Variants in GRM1 observed in about 807,000 individuals in gnomAD.
GRM1 encodes the protein metabotropic glutamate receptor 1.
Under a neutral mutation model 90.9 loss-of-function variants are expected in GRM1, and 33 were observed. The ratio of observed to expected loss-of-function variants is 0.36; its 90% CI spans 0.28 to 0.49. GRM1 has a LOEUF of 0.49. Among genes scored for constraint, GRM1 ranks in the 20% least tolerant of loss-of-function variants. The pLI, the probability that GRM1 is intolerant of heterozygous loss-of-function variation, is 0.99. For synonymous variants in GRM1, 700 were observed against 613.2 expected (o/e 1.14, Z -2.09); for missense variants, 1,190 against 1,534.3 (o/e 0.78, Z 3.75).
intron 1 of GRM1, among the ~76,000 whole-genome samples, chr6:146,051,835 A>G (rs190496122): frequency 6.6e-6 from 1 of 152,152 alleles, no homozygotes; most frequent in East Asian, 1.9e-4. Flanking sequence ...CCCTTATATA[A>G]TCTTCTTGGT....
At chr6:146,339,843 C>T (rs972456287) in intron 3 of GRM1, among the ~76,000 whole-genome samples, 1 of 152,156 alleles carries the variant, frequency 6.6e-6, no homozygotes, top group East Asian at 1.9e-4. Context: ...TCATAAGCTA[C>T]GTTGGGCTTC....
At chr6:146,430,183 G>A (rs1226143564) in intron 7 of GRM1, among the ~76,000 whole-genome samples, 2 of 152,182 alleles carry the variant, frequency 1.3e-5, no homozygotes, top group Admixed American at 6.5e-5. Context: ...ATTCTCTAAA[G>A]TGCCGTAAAT....
chr6:146,061,739 G>A (rs925617699), intron 1 of GRM1, among the ~76,000 whole-genome samples: 1 of 152,068 alleles, frequency 6.6e-6, no homozygotes, highest in Admixed American at 6.6e-5. Flanking sequence ...CTATGATGAT[G>A]AGTGATGAGA....
chr6:146,356,509 T>A (rs1228972666), intron 4 of GRM1, among the ~76,000 whole-genome samples: 3 of 152,160 alleles, frequency 2.0e-5, no homozygotes, highest in Non-Finnish European at 4.4e-5. Context: ...TGAAGGCCCT[T>A]CCTCCTAATA....
chr6:146,117,333 G>T (rs180962149), intron 1 of GRM1, among the ~76,000 whole-genome samples: 241 of 151,266 alleles, frequency 1.6e-3, no homozygotes, highest in South Asian at 5.1e-3. Flanking sequence ...TTAATATATG[G>T]CTATTACTCC....
chr6:146,424,649 T>C (rs1778131803), intron 7 of GRM1, among the ~76,000 whole-genome samples: 1 of 152,252 alleles, frequency 6.6e-6, no homozygotes, highest in African/African-American at 2.4e-5. Context: ...TGTGTTTGTC[T>C]GTCTGTCTGT....
chr6:146,272,156 TA>T (rs1782187764), intron 2 of GRM1, among the ~76,000 whole-genome samples: 1 of 152,212 alleles, frequency 6.6e-6, no homozygotes, highest in African/African-American at 2.4e-5. Context: ...CTATTTTCTG[TA>T]ATTAGAAAAG....
At chr6:146,144,356 T>C (rs556093747) in intron 1 of GRM1, among the ~76,000 whole-genome samples, 2 of 152,286 alleles carry the variant, frequency 1.3e-5, no homozygotes, top group Admixed American at 1.3e-4. Flanking sequence ...AACTTCAGCA[T>C]ATATATTTTG....
chr6:146,290,480 T>TA (rs954340872), intron 2 of GRM1, among the ~76,000 whole-genome samples: 1 of 152,088 alleles, frequency 6.6e-6, no homozygotes, highest in Non-Finnish European at 1.5e-5. Flanking sequence ...CTACCATTCA[T>TA]AAAAAAGGAA....
At chr6:146,237,583 T>C (rs2114721227) in intron 2 of GRM1, among the ~76,000 whole-genome samples, 2 of 147,564 alleles carry the variant, frequency 1.4e-5, no homozygotes, top group South Asian at 4.2e-4. Context: ...TTCTTTTTTA[T>C]CTCATACTTT....
intron 1 of GRM1, among the ~76,000 whole-genome samples, chr6:146,054,245 A>T (rs1435837744): frequency 6.6e-6 from 1 of 152,040 alleles, no homozygotes; most frequent in African/African-American, 2.4e-5. Context: ...CAGCTTTTTC[A>T]CTTAAACTGT....
chr6:146,055,373 A>C (rs1775448795), intron 1 of GRM1, among the ~76,000 whole-genome samples: 1 of 152,032 alleles, frequency 6.6e-6, no homozygotes, highest in Admixed American at 6.6e-5. Flanking sequence ...GAAATAACTA[A>C]CCACACCTTT....
chr6:146,356,920 A>T (rs923926950), intron 4 of GRM1, among the ~76,000 whole-genome samples: 3 of 152,128 alleles, frequency 2.0e-5, no homozygotes, highest in Non-Finnish European at 2.9e-5. Context: ...CGGCATTTCA[A>T]ATTACTGAAA....
chr6:146,134,402 G>A (rs766261795), intron 1 of GRM1, among the ~76,000 whole-genome samples: 7 of 152,140 alleles, frequency 4.6e-5, no homozygotes, highest in Admixed American at 2.0e-4. Flanking sequence ...GTATTAGTCC[G>A]TTCTCATGCT....
chr6:146,182,314 T>C (rs1778576142), intron 2 of GRM1, among the ~76,000 whole-genome samples: 1 of 152,194 alleles, frequency 6.6e-6, no homozygotes, highest in South Asian at 2.1e-4. Flanking sequence ...TGAAATACAT[T>C]GTCTAGAGTT....
intron 1 of GRM1, among the ~76,000 whole-genome samples, chr6:146,046,213 C>A (rs957131767): frequency 6.6e-6 from 1 of 152,000 alleles, no homozygotes. Flanking sequence ...GCATTATATT[C>A]TACTATAGCT....
intron 6 of GRM1, among the ~76,000 whole-genome samples, chr6:146,394,975 A>G (rs1470162215): frequency 6.6e-6 from 1 of 152,010 alleles, no homozygotes; most frequent in Non-Finnish European, 1.5e-5. Flanking sequence ...ATGTCTTTCC[A>G]TTGCTGTTTA....
chr6:146,432,556 C>T (rs758398252), intron 7 of GRM1, among the ~76,000 whole-genome samples: 8 of 152,164 alleles, frequency 5.3e-5, no homozygotes, highest in Non-Finnish European at 1.2e-4. Flanking sequence ...GTCTATTTCA[C>T]ACCTCCACTT....
chr6:146,403,697 G>T (rs1376875440), intron 7 of GRM1, among the ~76,000 whole-genome samples: 2 of 152,048 alleles, frequency 1.3e-5, no homozygotes, highest in Non-Finnish European at 2.9e-5. Flanking sequence ...TCTTTCCTCT[G>T]ATTATGAAAA....
Sources: allele counts gnomAD v4.1 joint callset (sites outside exome capture counted in the v4.1 genomes callset), GRCh38; gene constraint gnomAD v4.1.1; transcripts MANE v1.5; gene names NCBI Gene and HGNC (gene_info 2026-07-23, HGNC 2026-07-21).